Variants in ERG observed in about 807,000 individuals in gnomAD.
ERG encodes the protein ETS transcription factor ERG.
Under a neutral mutation model 55.3 loss-of-function variants are expected in ERG, and 9 were observed. That is an observed-to-expected ratio of 0.16 (90% CI 0.10 to 0.28). ERG has a LOEUF of 0.28. Ranked by LOEUF, ERG falls within the 10% of genes least tolerant of loss-of-function variation. ERG has a pLI of 1.00. For synonymous variants in ERG, 223 were observed against 237.3 expected (o/e 0.94, Z 0.55); for missense variants, 434 against 631.6 (o/e 0.69, Z 3.35).
chr21:38,375,242 G>A (rs1025654710), downstream of ERG, among the ~76,000 whole-genome samples: 37 of 152,186 alleles, frequency 2.4e-4, no homozygotes, highest in African/African-American at 8.9e-4. Context: ...CCCACCATGA[G>A]GAGCCACTGT....
chr21:38,534,031 T>C (rs758528380), intron 2 of ERG, among the ~76,000 whole-genome samples: 3 of 152,136 alleles, frequency 2.0e-5, no homozygotes, highest in Non-Finnish European at 4.4e-5. Flanking sequence ...TCACTTATAC[T>C]AAACACTTCA....
chr21:38,599,917 G>C (rs1188101947), intron 1 of ERG, among the ~76,000 whole-genome samples: 1 of 152,208 alleles, frequency 6.6e-6, no homozygotes, highest in Non-Finnish European at 1.5e-5. Context: ...TATGTTGGGT[G>C]GGTGGCCCTG....
intron 1 of ERG, among the ~76,000 whole-genome samples, chr21:38,608,856 G>A (rs1372160760): frequency 6.6e-6 from 1 of 152,112 alleles, no homozygotes; most frequent in Non-Finnish European, 1.5e-5. Flanking sequence ...GAGGAAGAAG[G>A]GTAGAATCAC....
intron 3 of ERG, among the ~76,000 whole-genome samples, chr21:38,406,430 T>A (rs1235023961): frequency 6.6e-6 from 1 of 152,188 alleles, no homozygotes; most frequent in South Asian, 2.1e-4. Flanking sequence ...ATGTTTCTTT[T>A]TTCATGACAT....
chr21:38,613,705 AG>A (rs1308021674), intron 1 of ERG, among the ~76,000 whole-genome samples: 1 of 152,198 alleles, frequency 6.6e-6, no homozygotes. Flanking sequence ...GGTAAGAGTG[AG>A]GGGGACAGAG....
chr21:38,502,103 TC>T (rs1435368157), upstream of ERG, among the ~76,000 whole-genome samples: 8 of 152,306 alleles, frequency 5.3e-5, no homozygotes, highest in African/African-American at 1.9e-4. Flanking sequence ...AGAGAGGAGA[TC>T]CGTCTGAACC....
intron 1 of ERG, among the ~76,000 whole-genome samples, chr21:38,658,392 T>G (rs927209621): frequency 7.2e-5 from 11 of 152,184 alleles, no homozygotes; most frequent in African/African-American, 2.7e-4. Context: ...GCATCAGACA[T>G]TTATTCACTA....
chr21:38,544,264 G>T (rs146912972), intron 2 of ERG, among the ~76,000 whole-genome samples: 1 of 152,206 alleles, frequency 6.6e-6, no homozygotes, highest in Non-Finnish European at 1.5e-5. Context: ...AGAAGTAACC[G>T]GGATCAGGTG....
At chr21:38,386,547 A>G (rs1403775016) in intron 9 of ERG, among the ~76,000 whole-genome samples, 1 of 152,230 alleles carries the variant, frequency 6.6e-6, no homozygotes, top group Admixed American at 6.5e-5. Context: ...GCAATTTTTA[A>G]ATTCTTATTT....
chr21:38,402,709 T>TAA (rs1988556807), intron 4 of ERG, 72 bp from the exon 5 acceptor site: 1 of 508,492 alleles, frequency 2.0e-6, no homozygotes, highest in Non-Finnish European at 2.8e-6. Flanking sequence ...ATTACCTTTC[T>TAA]TACAAAAAAA....
intron 3 of ERG, among the ~76,000 whole-genome samples, chr21:38,418,858 C>G (rs1989401356): frequency 7.5e-6 from 1 of 134,012 alleles, no homozygotes; most frequent in African/African-American, 2.8e-5. Context: ...ACCTGGGAGG[C>G]AGAGGTTGCA....
At chr21:38,399,624 G>A (rs937965695) in intron 6 of ERG, among the ~76,000 whole-genome samples, 1 of 152,166 alleles carries the variant, frequency 6.6e-6, no homozygotes, top group Admixed American at 6.5e-5. Context: ...TACCCTTCTG[G>A]GAAATGCCCT....
intron 9 of ERG, among the ~76,000 whole-genome samples, chr21:38,388,257 A>T (rs1437332258): frequency 2.0e-5 from 3 of 152,204 alleles, no homozygotes; most frequent in Non-Finnish European, 4.4e-5. Flanking sequence ...ATGGGATGTA[A>T]AGGAGCTGTG....
upstream of ERG, among the ~76,000 whole-genome samples, chr21:38,586,706 T>C (rs954013298): frequency 5.9e-5 from 9 of 152,200 alleles, no homozygotes; most frequent in African/African-American, 2.2e-4. Context: ...CTATATGTTT[T>C]ACAAATGTAC....
At chr21:38,476,236 A>C (rs1329735282) in intron 1 of ERG, among the ~76,000 whole-genome samples, 1 of 152,114 alleles carries the variant, frequency 6.6e-6, no homozygotes, top group African/African-American at 2.4e-5. Flanking sequence ...AAAAATCTTC[A>C]AAAGCAAACA....
intron 9 of ERG, among the ~76,000 whole-genome samples, chr21:38,388,582 A>G (rs1168945742): frequency 1.3e-5 from 2 of 152,236 alleles, no homozygotes; most frequent in African/African-American, 4.8e-5. Context: ...TTTCAGGGGA[A>G]AAGTTCACAT....
chr21:38,515,997 C>T lies in ERG; in HGVS notation c.-41+59665G>A, dbSNP rs1224696959. Among the ~76,000 whole-genome samples the T allele has an allele frequency of 2.0e-5, 3 of 151,954 alleles. No individual in the cohort carries two copies. The South Asian group carries it at 6.2e-4, about 31-fold the overall frequency. ...GAAACATACCTCAATATATTAAAGTCCATACATGATTAACCCACAGCTAAC... is the reference window on the plus strand; with the variant it reads ...GAAACATACCTCAATATATTAAAGTTCATACATGATTAACCCACAGCTAAC... On this transcript the variant is annotated intron_variant, in intron 2 of 8. Coordinates refer to the ERG transcript ENST00000398897.
downstream of ERG, among the ~76,000 whole-genome samples, chr21:38,375,935 T>G (rs1347718126): frequency 1.3e-5 from 2 of 152,216 alleles, no homozygotes; most frequent in African/African-American, 2.4e-5. Context: ...GTCTTACCCC[T>G]TCTATCTAGT....
intron 2 of ERG, among the ~76,000 whole-genome samples, chr21:38,562,187 T>C (rs921474297): frequency 1.3e-5 from 2 of 152,168 alleles, no homozygotes; most frequent in African/African-American, 4.8e-5. Context: ...TAGATTATTA[T>C]AAAACTCAGT....
Sources: allele counts gnomAD v4.1 joint callset (sites outside exome capture counted in the v4.1 genomes callset), GRCh38; gene constraint gnomAD v4.1.1; transcripts MANE v1.5; gene names NCBI Gene and HGNC (gene_info 2026-07-23, HGNC 2026-07-21).